Variants in CHD6 observed in about 807,000 individuals in gnomAD.
The protein encoded by CHD6 is chromodomain helicase DNA binding protein 6.
CHD6 carries 50 observed loss-of-function variants against 276.9 expected under a neutral mutation model. The ratio of observed to expected loss-of-function variants is 0.18; its 90% CI spans 0.14 to 0.23. The LOEUF (loss-of-function observed/expected upper bound fraction) is 0.23, where lower values mean the gene tolerates loss of function less well. Ranked by LOEUF, CHD6 falls within the 10% of genes least tolerant of loss-of-function variation. The pLI, the probability that CHD6 is intolerant of heterozygous loss-of-function variation, is 1.00. For missense variants in CHD6, 2,564 were observed against 3,365.8 expected, an observed-to-expected ratio of 0.76 and a Z score of 5.89; for synonymous variants, 1,173 against 1,229.3, an observed-to-expected ratio of 0.95 and a Z score of 0.96.
At position 41,512,991 on chromosome 20, in the gene CHD6, C is replaced by T. The variant is rs2044157400; in HGVS notation, c.707G>A (p.Arg236Gln). The T allele has an allele frequency of 6.2e-7, 1 of 1,614,020 alleles. No individual in the cohort carries two copies. Among genetic ancestry groups the T allele is most frequent in the Non-Finnish European group, 8.5e-7 (1 of 1,179,926 alleles). ...ESTESTDSQK[R>Q]RSGRQVKRRK... ...GCGCTTTACTTGCCTTCCCGAGCGT[C>T]GTTTCTGTAGGGCAAACACACCCGT... Residue 236 changes from arginine (R) to glutamine (Q), a missense_variant, in exon 5 of 37, where the codon CGA becomes CAA. By Grantham distance (43) the Arg-to-Gln change is conservative. Coordinates refer to ENST00000373233, the MANE Select transcript of CHD6 (RefSeq NM_032221.5).
chr20:41,437,883 C>A (rs2047765181), intron 26 of CHD6, among the ~76,000 whole-genome samples: 1 of 151,446 alleles, frequency 6.6e-6, no homozygotes, highest in Admixed American at 6.6e-5. Context: ...AAACTATCAC[C>A]AAACAGTTAT....
chr20:41,427,043 C>T (rs1277236116), intron 27 of CHD6, among the ~76,000 whole-genome samples: 2 of 152,084 alleles, frequency 1.3e-5, no homozygotes, highest in South Asian at 4.1e-4. Context: ...GGCCTGCAGA[C>T]TTTCTGTGTG....
At chr20:41,538,133 A>G (rs1437976523) in intron 2 of CHD6, among the ~76,000 whole-genome samples, 2 of 152,162 alleles carry the variant, frequency 1.3e-5, no homozygotes, top group Non-Finnish European at 2.9e-5. Context: ...GGCGGATCAC[A>G]TGAGGTCAGG....
chr20:41,443,635 C>T (rs1263227567), intron 25 of CHD6, among the ~76,000 whole-genome samples: 1 of 152,172 alleles, frequency 6.6e-6, no homozygotes, highest in Non-Finnish European at 1.5e-5. Context: ...ACTCTGTCCT[C>T]TAAGTCTCAT....
intron 3 of CHD6, among the ~76,000 whole-genome samples, chr20:41,532,170 T>A (rs959252905): frequency 2.0e-5 from 3 of 152,144 alleles, no homozygotes; most frequent in African/African-American, 4.8e-5. Context: ...CTTGATAGGG[T>A]CTATACAGTG....
intron 11 of CHD6, among the ~76,000 whole-genome samples, chr20:41,491,315 T>G (rs1308674020): frequency 2.0e-5 from 3 of 148,484 alleles, no homozygotes; most frequent in Non-Finnish European, 4.5e-5. Flanking sequence ...TATATATATA[T>G]ATTCCTATAA....
At chr20:41,506,208 C>T (rs757230119) in intron 5 of CHD6, among the ~76,000 whole-genome samples, 1 of 152,208 alleles carries the variant, frequency 6.6e-6, no homozygotes, top group African/African-American at 2.4e-5. Flanking sequence ...AGTCTATTCA[C>T]AACCTAACAT....
chr20:41,612,928 ATAACTT>A (rs2045901996), intron 1 of CHD6, among the ~76,000 whole-genome samples: 1 of 152,178 alleles, frequency 6.6e-6, no homozygotes, highest in African/African-American at 2.4e-5. Context: ...AATCTCCAGA[ATAACTT>A]TAAGTTTGAC....
intron 5 of CHD6, among the ~76,000 whole-genome samples, chr20:41,504,963 C>T (rs572444267): frequency 2.8e-4 from 43 of 152,220 alleles, no homozygotes; most frequent in Middle Eastern, 3.4e-3. Context: ...ACAACCAGGG[C>T]GAGGGGGTGG....
At position 41,613,990 on chromosome 20, in the gene CHD6, T is replaced by G. The variant is rs2045912572; in HGVS notation, c.-24+4350A>C. On this transcript the variant is annotated intron_variant, in intron 1 of 36. Coordinates refer to ENST00000373233, the MANE Select transcript of CHD6 (RefSeq NM_032221.5). ...TTTAACCTGAAGCCAGGCTTTTACA[T>G]AAAAACAATCTTAGAGTATAAAAAA... 2.0e-5 allele frequency among the ~76,000 whole-genome samples: 3 copies of G among 148,376 alleles called. No individual in the cohort carries two copies. The South Asian group carries it at 6.3e-4, about 31-fold the overall frequency.
chr20:41,545,922 T>C (rs1030834503), intron 2 of CHD6, among the ~76,000 whole-genome samples: 1 of 152,172 alleles, frequency 6.6e-6, no homozygotes, highest in Non-Finnish European at 1.5e-5. Context: ...TCAATTTCTT[T>C]GGTGGGGCTG....
chr20:41,540,039 T>C (rs1438748222), intron 2 of CHD6, among the ~76,000 whole-genome samples: 1 of 152,220 alleles, frequency 6.6e-6, no homozygotes, highest in African/African-American at 2.4e-5. Flanking sequence ...TTAACCATCA[T>C]CATGTCTGGG....
intron 4 of CHD6, 25 bp downstream of exon 4, chr20:41,514,780 C>T: frequency 6.2e-7 from 1 of 1,611,258 alleles, no homozygotes; most frequent in Non-Finnish European, 8.5e-7. Flanking sequence ...GTAATCTCCA[C>T]CAGGCCTCCC....
At chr20:41,612,733 G>C (rs533555529) in intron 1 of CHD6, among the ~76,000 whole-genome samples, 1 of 152,282 alleles carries the variant, frequency 6.6e-6, no homozygotes, top group South Asian at 2.1e-4. Context: ...AAAGTAGATA[G>C]AGTCCAGATA....
intron 2 of CHD6, among the ~76,000 whole-genome samples, chr20:41,550,759 T>C (rs2045133129): frequency 1.3e-5 from 2 of 152,200 alleles, no homozygotes; most frequent in Admixed American, 6.5e-5. Context: ...ACTCATGGCA[T>C]AGCAGTACCA....
intron 3 of CHD6, among the ~76,000 whole-genome samples, chr20:41,527,919 T>A (rs1004108431): frequency 1.3e-5 from 2 of 152,160 alleles, no homozygotes; most frequent in Non-Finnish European, 2.9e-5. Context: ...TAACATTTCA[T>A]CCTCTCTTGC....
At chr20:41,410,845 G>T (rs1044962797) in intron 36 of CHD6, among the ~76,000 whole-genome samples, 4 of 152,128 alleles carry the variant, frequency 2.6e-5, no homozygotes, top group African/African-American at 9.7e-5. Flanking sequence ...CATCTCTAAA[G>T]CAAGAGCTCA....
intron 2 of CHD6, among the ~76,000 whole-genome samples, chr20:41,537,738 T>C (rs1337505807): frequency 1.3e-5 from 2 of 152,154 alleles, no homozygotes; most frequent in Non-Finnish European, 2.9e-5. Context: ...AACAATAATT[T>C]TGGCAAGGAT....
At chr20:41,585,264 G>C (rs1406676944) in intron 1 of CHD6, among the ~76,000 whole-genome samples, 1 of 152,166 alleles carries the variant, frequency 6.6e-6, no homozygotes, top group Non-Finnish European at 1.5e-5. Flanking sequence ...AGCACTTTGG[G>C]AGGCCGAGGC....
Sources: allele counts gnomAD v4.1 joint callset (sites outside exome capture counted in the v4.1 genomes callset), GRCh38; gene constraint gnomAD v4.1.1; transcripts MANE v1.5; gene names NCBI Gene and HGNC (gene_info 2026-07-23, HGNC 2026-07-21).